NUDT6: variants seen among roughly 807,000 people sequenced by gnomAD.
NUDT6 encodes nudix hydrolase 6.
NUDT6 carries 24 observed loss-of-function variants against 36.8 expected under a neutral mutation model. The observed-to-expected ratio is 0.65, with a 90% confidence interval of 0.47 to 0.92. The LOEUF is 0.92. Among genes scored for constraint, NUDT6 ranks in the 40% least tolerant of loss-of-function variants. NUDT6 has a pLI of 0.00. For synonymous variants in NUDT6, 163 were observed against 157.0 expected (o/e 1.04, Z -0.29); for missense variants, 388 against 392.8 (o/e 0.99, Z 0.10).
At chr4:122,922,015 T>C (rs1296954039) in intron 1 of NUDT6, 1 of 322,820 alleles carries the variant, frequency 3.1e-6, no homozygotes, top group Non-Finnish European at 5.6e-6. Flanking sequence ...TTCCAGGAGT[T>C]CTTATCACCG....
At chr4:122,909,714 G>T (rs913441543) in intron 3 of NUDT6, among the ~76,000 whole-genome samples, 7 of 152,146 alleles carry the variant, frequency 4.6e-5, no homozygotes, top group African/African-American at 1.4e-4. Flanking sequence ...AACCATTCAT[G>T]AACCTATCTA....
At position 122,892,582 on chromosome 4, in the gene NUDT6, T is replaced by A. The variant is rs1198326823; in HGVS notation, c.*246A>T. On this transcript the variant is annotated 3_prime_UTR_variant, in exon 5 of 5. Coordinates refer to ENST00000304430, the MANE Select transcript of NUDT6 (RefSeq NM_007083.5). The stretch of plus-strand genomic sequence containing the variant: ...AAGAAAAATAACAAAAGTTGTAAAA[T>A]GTATATTCTCCCTTTTATATTGCAT... 1 of 1,445,638 alleles carries A rather than the reference T, an allele frequency of 6.9e-7. No homozygotes were observed. The highest frequency in any genetic ancestry group is 1.4e-5 in the African/African-American group (1 of 69,768). 89.6% of individuals were successfully genotyped at this position (1,445,638 alleles called of 1,614,324 possible).
At position 122,893,192 on chromosome 4, in the gene NUDT6, G is replaced by A. The variant is rs778205008; in HGVS notation, c.587C>T (p.Thr196Ile). The change falls in exon 5 of 5, where the codon ACT becomes ATT. Residue 196 changes from threonine to isoleucine, a missense_variant. Thr to Ile is a moderately conservative substitution (Grantham distance 89). Transcript: ENST00000304430. ...GGACCTGAATTCTGATTTTATACCA[G>A]TCTCTTCAAAAACTTCTCGAACCGC... Reference protein sequence around the residue: ...DTAVREVFEETGIKSEFRSVL... With the variant: ...DTAVREVFEEIGIKSEFRSVL... The A allele has an allele frequency of 6.2e-7, 1 of 1,611,614 alleles. No individual in the cohort carries two copies. The highest frequency in any genetic ancestry group is 8.5e-7 in the Non-Finnish European group (1 of 1,178,622).
At chr4:122,909,105 A>T (rs948992350) in intron 3 of NUDT6, among the ~76,000 whole-genome samples, 1 of 151,150 alleles carries the variant, frequency 6.6e-6, no homozygotes, top group African/African-American at 2.4e-5. Context: ...TTACTCTGTC[A>T]TCCAGGCTGG....
chr4:122,921,595 C>CAAAAAAA (rs1307519948), intron 1 of NUDT6: 2 of 35,128 alleles, frequency 5.7e-5, no homozygotes, highest in African/African-American at 1.1e-4. Context: ...TACCCTCTCT[C>CAAAAAAA]AAAAAAAAAA....
intron 4 of NUDT6, chr4:122,895,913 T>A (rs1446660503): frequency 1.3e-5 from 2 of 152,452 alleles, no homozygotes; most frequent in Admixed American, 1.3e-4. Flanking sequence ...TCAGTAATTC[T>A]TAGATGATTC....
intron 3 of NUDT6, among the ~76,000 whole-genome samples, chr4:122,908,963 T>C (rs529231475): frequency 1.3e-5 from 2 of 152,220 alleles, no homozygotes; most frequent in Non-Finnish European, 2.9e-5. Context: ...CAGTCTTTAT[T>C]TGGGTCTTCT....
intron 4 of NUDT6, chr4:122,896,133 G>A (rs1314216898): frequency 2.6e-5 from 4 of 151,940 alleles, no homozygotes; most frequent in Admixed American, 2.0e-4. Context: ...ACATGACTGA[G>A]GCATATATGA....
intron 1 of NUDT6, 71 bp from the exon 2 acceptor site, chr4:122,917,775 G>C (rs947586161): frequency 3.0e-5 from 42 of 1,413,830 alleles, no homozygotes; most frequent in Non-Finnish European, 4.1e-5. Context: ...CTCACCTCAG[G>C]GTTTCGCCTC....
chr4:122,915,548 C>A (rs533690862), intron 2 of NUDT6, among the ~76,000 whole-genome samples: 11 of 151,692 alleles, frequency 7.3e-5, no homozygotes, highest in African/African-American at 2.7e-4. Context: ...CGTCCACACC[C>A]CCAACAGTGG....
intron 1 of NUDT6, chr4:122,921,909 A>G (rs1728027375): frequency 6.2e-6 from 1 of 161,196 alleles, no homozygotes. Context: ...TAATAATGTA[A>G]TAATATAATA....
intron 4 of NUDT6, chr4:122,897,116 A>T (rs1476215): frequency 0.91 from 138,905 of 152,554 alleles, 63,452 homozygotes; most frequent in East Asian, 0.96. Context: ...TGTTTTGACT[A>T]CCTGACTATT....
chr4:122,912,489 A>C, intron 3 of NUDT6, 79 bp downstream of exon 3: 1 of 1,005,062 alleles, frequency 9.9e-7, no homozygotes, highest in Non-Finnish European at 1.5e-6. Context: ...CCTTAGGCAT[A>C]TTAAAATTTC....
At chr4:122,908,875 G>A (rs1330942459) in intron 3 of NUDT6, among the ~76,000 whole-genome samples, 4 of 152,098 alleles carry the variant, frequency 2.6e-5, no homozygotes, top group Non-Finnish European at 4.4e-5. Context: ...TGTGTTCTCT[G>A]AAAAGTTCAG....
intron 3 of NUDT6, among the ~76,000 whole-genome samples, chr4:122,907,846 G>T (rs1014608899): frequency 6.6e-6 from 1 of 152,120 alleles, no homozygotes. Flanking sequence ...TCTGGATCAG[G>T]ACCCCCTTCT....
At position 122,917,717 on chromosome 4, in the gene NUDT6, G is replaced by GA; in HGVS notation, c.239-14dup. On this transcript the variant is annotated splice_polypyrimidine_tract_variant and intron_variant, in intron 1 of 4. Coordinates refer to ENST00000304430, the MANE Select transcript of NUDT6 (RefSeq NM_007083.5). ...TGCTGTACTGCAGCTAAATGCAGAA[G>GA]AAAAAAGTCTAAATAATTTCCAAAG... 1 of 1,610,088 alleles carries GA rather than the reference G, an allele frequency of 6.2e-7. No homozygotes were observed. The highest frequency in any genetic ancestry group is 8.5e-7 in the Non-Finnish European group (1 of 1,177,944).
intron 2 of NUDT6, 101 bp from the exon 3 acceptor site, chr4:122,912,724 C>CCCA: frequency 1.4e-6 from 1 of 727,812 alleles, no homozygotes. Flanking sequence ...TCTACCCATA[C>CCCA]TTGAAGCCTT....
intron 3 of NUDT6, among the ~76,000 whole-genome samples, chr4:122,907,800 C>G (rs753539356): frequency 6.6e-5 from 10 of 152,108 alleles, no homozygotes; most frequent in Non-Finnish European, 1.5e-4. Context: ...CACCCAAATT[C>G]TTTCTTGTGT....
At chr4:122,907,681 C>G (rs1383470448) in intron 3 of NUDT6, among the ~76,000 whole-genome samples, 1 of 151,828 alleles carries the variant, frequency 6.6e-6, no homozygotes, top group Non-Finnish European at 1.5e-5. Flanking sequence ...GATCTCCTGA[C>G]CTCGTGATCT....
Sources: allele counts gnomAD v4.1 joint callset (sites outside exome capture counted in the v4.1 genomes callset), GRCh38; gene constraint gnomAD v4.1.1; transcripts MANE v1.5; gene names NCBI Gene and HGNC (gene_info 2026-07-23, HGNC 2026-07-21).